Variants in PGPEP1 observed in about 807,000 individuals in gnomAD.
PGPEP1 encodes the protein pyroglutamyl-peptidase 1.
PGPEP1 carries 15 observed loss-of-function variants against 24.1 expected under a neutral mutation model. The ratio of observed to expected loss-of-function variants is 0.62; its 90% confidence interval spans 0.42 to 0.96. The LOEUF is 0.96. PGPEP1 is among the 40% of genes least tolerant of loss of function. The pLI is 0.00. For synonymous variants in PGPEP1, 122 were observed against 116.4 expected (o/e 1.05, Z -0.31); for missense variants, 242 against 273.4 (o/e 0.89, Z 0.81).
At chr19:18,343,340 A>G (rs1427079314) in intron 2 of PGPEP1, among the ~76,000 whole-genome samples, 1 of 152,124 alleles carries the variant, frequency 6.6e-6, no homozygotes, top group East Asian at 1.9e-4. Context: ...CTCTTCCTGG[A>G]TGGTAACCAC....
In PGPEP1 at chr19:18,357,507, A is replaced by C; in HGVS notation, c.329A>C (p.Glu110Ala). ...RFCPGSQCCV[E>A]DGPESIDSII... The stretch of plus-strand genomic sequence containing the variant: ...TGCCCCGGCTCCCAGTGCTGCGTGG[A>C]GGACGGGCCTGAAAGCATTGACTCC... Residue 110 changes from glutamate (E) to alanine (A), a missense_variant, in exon 4 of 5, where the codon GAG (glutamate) becomes GCG (alanine). Physicochemically the swap from Glu to Ala is moderately radical, Grantham distance 107 (BLOSUM62 -1). Transcript: ENST00000269919. 1 of 1,613,638 alleles carries C rather than the reference A, an allele frequency of 6.2e-7. No homozygotes were observed. The highest frequency in any genetic ancestry group is 1.1e-5 in the South Asian group (1 of 90,972).
At chr19:18,353,184 A>T (rs1419507008) in intron 2 of PGPEP1, among the ~76,000 whole-genome samples, 1 of 149,274 alleles carries the variant, frequency 6.7e-6, no homozygotes. Flanking sequence ...CTCCCAAAGT[A>T]TTGGAATTAC....
At chr19:18,344,634 G>A (rs34518929) in intron 2 of PGPEP1, among the ~76,000 whole-genome samples, 35,168 of 149,990 alleles carry the variant, frequency 0.23, 4,999 homozygotes, top group East Asian at 0.45. Flanking sequence ...CGGGATGGAG[G>A]GACGGGGTCC....
rs1450304729 is a variant in PGPEP1, at chr19:18,366,841, G to T, written c.*3258G>T. ...CTCTCTGGTGTGTTTTTCCACCTTT[G>T]TTGGGTCTTGGCTTAAAATATCCTC... On this transcript the variant is annotated 3_prime_UTR_variant, in exon 5 of 5. Coordinates refer to ENST00000269919, the MANE Select transcript of PGPEP1 (RefSeq NM_017712.4). The T allele has an allele frequency of 6.6e-6, 1 of 152,020 alleles. No homozygotes were observed. Among genetic ancestry groups the T allele is most frequent in the African/African-American group, 2.4e-5 (1 of 41,368 alleles). 9.4% of individuals were successfully genotyped at this position (152,020 alleles called of 1,614,324 possible).
At chr19:18,349,586 A>G (rs566743113) in intron 2 of PGPEP1, among the ~76,000 whole-genome samples, 68 of 152,324 alleles carry the variant, frequency 4.5e-4, no homozygotes, top group Admixed American at 1.8e-3. Flanking sequence ...ATATGGGACT[A>G]TGGGTTGTTT....
intron 2 of PGPEP1, among the ~76,000 whole-genome samples, chr19:18,354,671 C>T (rs1971128197): frequency 1.3e-5 from 2 of 152,032 alleles, no homozygotes; most frequent in Middle Eastern, 3.2e-3. Flanking sequence ...GTGTGCACCA[C>T]CATGCCCAGC....
rs761235303 is a variant in PGPEP1, at chr19:18,363,380, C to G, written c.438-11C>G. On this transcript the variant is annotated splice_polypyrimidine_tract_variant and intron_variant, in intron 4 of 4. Transcript: ENST00000269919. Reference sequence around the variant, plus strand: ...TGGTCTCTCTCTTACCCGCCACGCCCTGCGGCTTAGATATCTCTGCGACTT... The same window carrying G: ...TGGTCTCTCTCTTACCCGCCACGCCGTGCGGCTTAGATATCTCTGCGACTT... 4 of 1,598,584 alleles carry G rather than the reference C, an allele frequency of 2.5e-6. No homozygotes were observed. In the South Asian group the frequency reaches 4.4e-5, roughly 18 times the overall value.
At chr19:18,350,748 G>A (rs1970996571) in intron 2 of PGPEP1, among the ~76,000 whole-genome samples, 1 of 152,208 alleles carries the variant, frequency 6.6e-6, no homozygotes, top group South Asian at 2.1e-4. Flanking sequence ...CTGCTGAGTG[G>A]AGCAAACAGA....
At chr19:18,345,248 C>T (rs891463802) in intron 2 of PGPEP1, among the ~76,000 whole-genome samples, 2 of 151,986 alleles carry the variant, frequency 1.3e-5, no homozygotes, top group Non-Finnish European at 2.9e-5. Context: ...GGGATCCGCC[C>T]GCCTCGGCCT....
Position 18,342,903 on chromosome 19 carries a change from G to T in PGPEP1, c.79G>T (p.Ala27Ser). 6.2e-7 allele frequency: 1 copy of T among 1,613,064 alleles called. No homozygotes were observed. The highest frequency in any genetic ancestry group is 2.2e-5 in the East Asian group (1 of 44,888). The change falls in exon 2 of 5, where the codon GCA becomes TCA. Residue 27 changes from alanine (A) to serine (S), a missense_variant. Ala to Ser is a moderately conservative substitution (Grantham distance 99). Transcript: ENST00000269919. The part of the protein sequence containing the change: ...GEHTVNASWI[A>S]VQELEKLGLG... ...ACACACCGTGAACGCCAGTTGGATT[G>T]CAGTTCAGGTAACTTAGATCCGGAG...
intron 4 of PGPEP1, among the ~76,000 whole-genome samples, chr19:18,359,824 CT>C (rs2144574974): frequency 6.6e-6 from 1 of 151,400 alleles, no homozygotes; most frequent in African/African-American, 2.4e-5. Context: ...TCTTTCCAGT[CT>C]TAATTCCAAC....
chr19:18,358,483 C>T (rs1971253951), intron 4 of PGPEP1, among the ~76,000 whole-genome samples: 1 of 152,022 alleles, frequency 6.6e-6, no homozygotes, highest in Admixed American at 6.6e-5. Flanking sequence ...TGGTCTCGAA[C>T]TCCCGACCTC....
At chr19:18,340,856 A>G in intron 1 of PGPEP1, 141 bp downstream of exon 1, 1 of 593,296 alleles carries the variant, frequency 1.7e-6, no homozygotes, top group South Asian at 4.1e-5. Context: ...AGCCCCGCGC[A>G]GCCCAGGCTT....
chr19:18,363,331 C>T (rs947353634), intron 4 of PGPEP1, 60 bp from the exon 5 acceptor site: 75 of 1,418,550 alleles, frequency 5.3e-5, no homozygotes, highest in Non-Finnish European at 6.5e-5. Context: ...CCTTGGTCTA[C>T]GGATTGCCCC....
chr19:18,353,208 C>T (rs984716461), intron 2 of PGPEP1, among the ~76,000 whole-genome samples: 14 of 150,678 alleles, frequency 9.3e-5, no homozygotes, highest in African/African-American at 3.2e-4. Flanking sequence ...CATGAGCCAC[C>T]GGGCCTGGTT....
chr19:18,357,302 C>G (rs1971210210), intron 3 of PGPEP1, 81 bp from the exon 4 acceptor site: 1 of 972,138 alleles, frequency 1.0e-6, no homozygotes, highest in African/African-American at 1.6e-5. Flanking sequence ...ATTAAGGATG[C>G]TGCCTTTTCC....
chr19:18,341,630 GC>G (rs973178487), intron 1 of PGPEP1, among the ~76,000 whole-genome samples: 5 of 152,130 alleles, frequency 3.3e-5, no homozygotes, highest in African/African-American at 1.2e-4. Flanking sequence ...GAGGGTCACT[GC>G]CCCCATCCCT....
At chr19:18,361,602 A>G in intron 4 of PGPEP1, 1 of 421,844 alleles carries the variant, frequency 2.4e-6, no homozygotes, top group Non-Finnish European at 3.2e-6. Flanking sequence ...GTCTCTTTAT[A>G]AAATTAATTT....
Position 18,364,100 on chromosome 19 carries a change from C to CTTTCTTTCTTTTT in PGPEP1, c.*528_*529insTTTTTCTTTCTTT, listed in dbSNP as rs879691370. On this transcript the variant is annotated 3_prime_UTR_variant, in exon 5 of 5. Transcript: ENST00000269919. ...GCTGGCTGGCTTTCTTTCTTTCTTT[C>CTTTCTTTCTTTTT]TTTCTTTCTTTCTTGCTTTCTTTCT... is the stretch of plus-strand genomic sequence containing the variant. The CTTTCTTTCTTTTT allele has an allele frequency of 2.8e-5, 4 of 142,414 alleles. No individual in the cohort carries two copies. In the South Asian group the frequency reaches 8.9e-4, roughly 32 times the overall value. 8.8% of individuals were successfully genotyped at this position (142,414 alleles called of 1,614,324 possible).
Sources: gnomAD v4.1 joint callset for allele counts (sites outside exome capture counted in the v4.1 genomes callset) on GRCh38, gnomAD v4.1.1 for gene constraint, MANE v1.5 for transcripts, NCBI Gene and HGNC (gene_info 2026-07-23, HGNC 2026-07-21) for gene names.